Variants in SBF2 observed in about 807,000 individuals in gnomAD.
The protein encoded by SBF2 is SET binding factor 2, also known as myotubularin-related protein 13.
In SBF2, 112 loss-of-function variants were observed where a neutral mutation model predicts 225.2. The ratio of observed to expected loss-of-function variants is 0.50; its 90% CI spans 0.43 to 0.58. The LOEUF (loss-of-function observed/expected upper bound fraction) is 0.58. SBF2 is among the 20% of genes least tolerant of loss of function. SBF2 has a pLI of 0.00. For missense variants in SBF2, 1,996 were observed against 2,206.2 expected (o/e 0.90, Z 1.91); for synonymous variants, 763 against 773.3 (o/e 0.99, Z 0.22).
chr11:9,973,882 T>C (rs1946562643), intron 13 of SBF2, among the ~76,000 whole-genome samples: 1 of 152,236 alleles, frequency 6.6e-6, no homozygotes, highest in Admixed American at 6.5e-5. Flanking sequence ...GACAAATCAA[T>C]ATGATATTGT....
intron 2 of SBF2, among the ~76,000 whole-genome samples, chr11:10,075,032 T>C (rs1261740294): frequency 6.6e-6 from 1 of 152,204 alleles, no homozygotes; most frequent in Non-Finnish European, 1.5e-5. Context: ...TCCTAGAGAA[T>C]GAGAACCCCT....
intron 2 of SBF2, among the ~76,000 whole-genome samples, chr11:10,173,473 C>T (rs1228887464): frequency 6.6e-6 from 1 of 152,216 alleles, no homozygotes; most frequent in Non-Finnish European, 1.5e-5. Flanking sequence ...AACGCCGCAC[C>T]AGGAGATTAT....
At chr11:9,812,851 T>G in intron 29 of SBF2, 143 bp from the exon 30 acceptor site, 2 of 789,838 alleles carry the variant, frequency 2.5e-6, no homozygotes, top group South Asian at 3.1e-5. Flanking sequence ...AAGTCAATCT[T>G]GTACAGCAAT....
Position 10,294,086 on chromosome 11 carries a change from C to A in SBF2, c.-17G>T. 1 of 1,358,252 alleles carries A rather than the reference C, an allele frequency of 7.4e-7. No individual in the cohort carries two copies. The allele number at this position is 1,358,252 out of a possible 1,614,324, so 84.1% of individuals were successfully genotyped here. A position where few individuals can be genotyped will look rare whatever the true frequency, so the allele number is the denominator to read the frequency against. ...CCGGGCCATGGCCGCCGCCGCCGCG[C>A]TCGGGAAGCGGGTCCCCGTCGCCGC... On this transcript the variant is annotated 5_prime_UTR_variant, in exon 1 of 40. Coordinates refer to ENST00000256190, the MANE Select transcript of SBF2 (RefSeq NM_030962.4).
chr11:9,992,384 A>G, intron 12 of SBF2, 31 bp downstream of exon 12: 1 of 1,589,276 alleles, frequency 6.3e-7, no homozygotes, highest in South Asian at 1.1e-5. Context: ...TTATGTCTAT[A>G]AATAATGCCT....
rs1275371094 is a variant in SBF2, at chr11:10,156,033, C to T, written c.141+37869G>A. On this transcript the variant is annotated intron_variant, in intron 2 of 39. Coordinates refer to ENST00000256190, the MANE Select transcript of SBF2 (RefSeq NM_030962.4). ...CCGTGCTACCAGGCACAGCTGCAGC[C>T]GCCCAGCTGCAGCTCTGGACCCGGG... 2.6e-5 allele frequency among the ~76,000 whole-genome samples: 4 copies of T among 152,296 alleles called. No individual in the cohort carries two copies. In the East Asian group the frequency reaches 7.7e-4, roughly 29 times the overall value.
chr11:10,275,877 T>G (rs972513516), intron 1 of SBF2, among the ~76,000 whole-genome samples: 2 of 152,190 alleles, frequency 1.3e-5, no homozygotes, highest in African/African-American at 4.8e-5. Flanking sequence ...AAATGTGATG[T>G]TTCATTGCTG....
At chr11:9,877,572 G>A (rs1196110647) in intron 17 of SBF2, among the ~76,000 whole-genome samples, 1 of 151,744 alleles carries the variant, frequency 6.6e-6, no homozygotes, top group African/African-American at 2.4e-5. Flanking sequence ...ACAGGCCCCA[G>A]TGTGTGACGT....
chr11:10,120,101 C>T lies in SBF2; in HGVS notation c.141+73801G>A, dbSNP rs79794287. ...TGAACAACTCCCCATTTTCCCTTCCCCTAGCCCCTGGCAATCCCATTCTAC... is the reference window on the plus strand; with the variant it reads ...TGAACAACTCCCCATTTTCCCTTCCTCTAGCCCCTGGCAATCCCATTCTAC... On this transcript the variant is annotated intron_variant, in intron 2 of 39. Transcript: ENST00000256190. Among the ~76,000 whole-genome samples, 134 of 152,274 alleles carry T rather than the reference C, an allele frequency of 8.8e-4. 2 individuals carry two copies. The East Asian group carries it at 0.025, about 29-fold the overall frequency.
At chr11:9,960,291 T>C (rs879094582) in intron 16 of SBF2, 4 of 152,358 alleles carry the variant, frequency 2.6e-5, no homozygotes, top group South Asian at 2.1e-4. Flanking sequence ...TCTTTTAACA[T>C]TGGCACTAGT....
chr11:9,950,993 A>G (rs570482170), intron 16 of SBF2, among the ~76,000 whole-genome samples: 1 of 152,320 alleles, frequency 6.6e-6, no homozygotes, highest in Non-Finnish European at 1.5e-5. Context: ...CATGGTGGAT[A>G]GTATAGGGGA....
intron 6 of SBF2, among the ~76,000 whole-genome samples, chr11:10,018,283 A>G (rs571105937): frequency 6.6e-6 from 1 of 152,268 alleles, no homozygotes; most frequent in South Asian, 2.1e-4. Context: ...GGCTCTTAGG[A>G]GCTCACAGTT....
chr11:9,801,847 C>A (rs942284290), intron 32 of SBF2, among the ~76,000 whole-genome samples: 1 of 152,216 alleles, frequency 6.6e-6, no homozygotes, highest in African/African-American at 2.4e-5. Context: ...TTTAGAATAA[C>A]CAACCTGTGT....
Position 9,992,998 on chromosome 11 carries a change from A to G in SBF2, c.1159T>C (p.Phe387Leu), listed in dbSNP as rs1247599264. ...ATAGTACTCTATCTTACCTTGTGGA[A>G]ATGTATTACTGGCTCTGCATGAATT... The part of the protein sequence containing the change: ...IRIHAEPVIH[F>L]HKTAFLGQRG... Residue 387 changes from phenylalanine to leucine, a missense_variant, in exon 11 of 40, where the codon TTC becomes CTC. Coordinates refer to ENST00000256190, the MANE Select transcript of SBF2 (RefSeq NM_030962.4). The G allele has an allele frequency of 1.2e-6, 2 of 1,600,102 alleles. No homozygotes were observed. The highest frequency in any genetic ancestry group is 1.7e-6 in the Non-Finnish European group (2 of 1,168,798).
At chr11:9,956,525 C>G (rs1012994643) in intron 16 of SBF2, 1 of 149,040 alleles carries the variant, frequency 6.7e-6, no homozygotes, top group Non-Finnish European at 1.5e-5. Flanking sequence ...TGACACAGAT[C>G]ATCTTGTTAT....
chr11:9,893,677 T>C (rs1301959073), intron 17 of SBF2, among the ~76,000 whole-genome samples: 2 of 152,096 alleles, frequency 1.3e-5, no homozygotes, highest in Non-Finnish European at 2.9e-5. Context: ...GGGGGCTTCC[T>C]AGCAAGTCTT....
chr11:10,179,743 T>G (rs1400197689), intron 2 of SBF2, among the ~76,000 whole-genome samples: 1 of 152,194 alleles, frequency 6.6e-6, no homozygotes, highest in Non-Finnish European at 1.5e-5. Context: ...TTTTGTTATT[T>G]GTTTTCTGGT....
At chr11:9,801,922 G>C (rs989970044) in intron 32 of SBF2, among the ~76,000 whole-genome samples, 2 of 152,186 alleles carry the variant, frequency 1.3e-5, no homozygotes, top group Non-Finnish European at 2.9e-5. Flanking sequence ...AAGGCAAATA[G>C]CTTTTTTCTT....
chr11:10,014,893 G>A (rs781234055), intron 6 of SBF2, among the ~76,000 whole-genome samples: 2 of 152,126 alleles, frequency 1.3e-5, no homozygotes, highest in African/African-American at 4.8e-5. Context: ...ACTTTGGGAG[G>A]CTGAGGTAGG....
Sources: allele counts gnomAD v4.1 joint callset (sites outside exome capture counted in the v4.1 genomes callset), GRCh38; gene constraint gnomAD v4.1.1; transcripts MANE v1.5; gene names NCBI Gene and HGNC (gene_info 2026-07-23, HGNC 2026-07-21).